HDAC9: variants seen among roughly 807,000 people sequenced by gnomAD.
The protein encoded by HDAC9 is histone deacetylase 9.
Under a neutral mutation model 139.4 loss-of-function variants are expected in HDAC9, and 41 were observed. The ratio of observed to expected loss-of-function variants is 0.29; its 90% CI spans 0.23 to 0.38. The LOEUF (loss-of-function observed/expected upper bound fraction) is 0.38. Ranked by LOEUF, HDAC9 falls within the 10% of genes least tolerant of loss-of-function variation. The pLI is 1.00. For synonymous variants in HDAC9, 517 were observed against 476.2 expected (o/e 1.09, Z -1.12); for missense variants, 1,147 against 1,297.0 (o/e 0.88, Z 1.78).
chr7:18,648,397 T>C (rs1788090952), intron 10 of HDAC9, 69 bp from the exon 11 acceptor site: 2 of 1,149,816 alleles, frequency 1.7e-6, no homozygotes, highest in Non-Finnish European at 2.5e-6. Flanking sequence ...TTCTTAAAAT[T>C]GTGTGTGTGT....
At chr7:18,331,332 A>G (rs1800904950) in intron 1 of HDAC9, among the ~76,000 whole-genome samples, 1 of 151,802 alleles carries the variant, frequency 6.6e-6, no homozygotes, top group East Asian at 1.9e-4. Context: ...CTGATATGGC[A>G]TAATGAAAAA....
chr7:18,388,592 G>A (rs181119398), intron 1 of HDAC9, among the ~76,000 whole-genome samples: 8 of 152,180 alleles, frequency 5.3e-5, no homozygotes, highest in East Asian at 1.9e-4. Context: ...AGTCAGTTCC[G>A]TGACCAGGAA....
At chr7:18,256,712 T>G (rs1215159299) in intron 2 of HDAC9, among the ~76,000 whole-genome samples, 1 of 152,212 alleles carries the variant, frequency 6.6e-6, no homozygotes, top group African/African-American at 2.4e-5. Flanking sequence ...ATTTTCTGTT[T>G]CTTAAAAGTT....
chr7:18,140,100 A>C (rs928892743), intron 1 of HDAC9, among the ~76,000 whole-genome samples: 13 of 152,192 alleles, frequency 8.5e-5, no homozygotes, highest in African/African-American at 2.9e-4. Context: ...GATGAAAGCC[A>C]TGGCTAGATG....
At chr7:18,557,774 A>G (rs1819325289) in intron 2 of HDAC9, among the ~76,000 whole-genome samples, 1 of 150,338 alleles carries the variant, frequency 6.7e-6, no homozygotes, top group South Asian at 2.1e-4. Flanking sequence ...AACAAAAATG[A>G]AATATTATTT....
chr7:18,183,078 C>T (rs1276880156), intron 2 of HDAC9, among the ~76,000 whole-genome samples: 6 of 151,182 alleles, frequency 4.0e-5, no homozygotes, highest in Non-Finnish European at 8.8e-5. Context: ...GGCGCAATCT[C>T]GGCTCACTGC....
chr7:18,883,662 A>G (rs1167153243), intron 22 of HDAC9, among the ~76,000 whole-genome samples: 1 of 152,116 alleles, frequency 6.6e-6, no homozygotes, highest in African/African-American at 2.4e-5. Flanking sequence ...ACTTCTATTC[A>G]GCATACTAAC....
intron 12 of HDAC9, chr7:18,667,810 C>A (rs1795248627): frequency 1.0e-6 from 1 of 984,666 alleles, no homozygotes; most frequent in South Asian, 4.7e-5. Flanking sequence ...GTTACGGAAG[C>A]TTTTCACTGG....
intron 2 of HDAC9, among the ~76,000 whole-genome samples, chr7:18,276,117 C>G (rs1430906294): frequency 6.6e-6 from 1 of 152,124 alleles, no homozygotes. Context: ...TGCCATGGTT[C>G]AGTGGTAGAT....
chr7:18,749,630 T>G (rs541389455), intron 14 of HDAC9, among the ~76,000 whole-genome samples: 1 of 152,334 alleles, frequency 6.6e-6, no homozygotes, highest in African/African-American at 2.4e-5. Context: ...TTTGAATACT[T>G]TGATTTTATC....
chr7:18,209,651 G>T (rs141571260), intron 2 of HDAC9, among the ~76,000 whole-genome samples: 87 of 152,120 alleles, frequency 5.7e-4, no homozygotes, highest in African/African-American at 2.0e-3. Context: ...AATCAGAGTG[G>T]TTGGAGCTTA....
intron 6 of HDAC9, among the ~76,000 whole-genome samples, chr7:18,597,031 A>G (rs77450216): frequency 0.03 from 4,542 of 152,186 alleles, 91 homozygotes; most frequent in Non-Finnish European, 0.046. Flanking sequence ...GGAACAGTTA[A>G]CTACAGAAAC....
chr7:18,351,202 A>G (rs1782821029), intron 1 of HDAC9, among the ~76,000 whole-genome samples: 1 of 152,216 alleles, frequency 6.6e-6, no homozygotes, highest in Non-Finnish European at 1.5e-5. Context: ...ATAAAATGTA[A>G]TACTGACTTT....
At chr7:18,519,889 A>C (rs1804475774) in intron 2 of HDAC9, among the ~76,000 whole-genome samples, 1 of 152,152 alleles carries the variant, frequency 6.6e-6, no homozygotes, top group Non-Finnish European at 1.5e-5. Flanking sequence ...ACAAGTCATT[A>C]AAGTTATTAA....
At chr7:18,891,667 T>G (rs1037117530) in intron 22 of HDAC9, among the ~76,000 whole-genome samples, 23 of 152,242 alleles carry the variant, frequency 1.5e-4, no homozygotes, top group African/African-American at 4.6e-4. Flanking sequence ...TGAGGTGGTG[T>G]TCAGATATTT....
At chr7:18,717,234 T>C (rs1784767316) in intron 12 of HDAC9, among the ~76,000 whole-genome samples, 1 of 152,090 alleles carries the variant, frequency 6.6e-6, no homozygotes, top group Non-Finnish European at 1.5e-5. Context: ...CTGTTGCTGG[T>C]GAGCATACAC....
intron 1 of HDAC9, among the ~76,000 whole-genome samples, chr7:18,420,024 A>T (rs1223645132): frequency 1.3e-5 from 2 of 152,184 alleles, no homozygotes; most frequent in Admixed American, 1.3e-4. Flanking sequence ...TAAAAACAAA[A>T]AGCTCTGCTA....
intron 7 of HDAC9, among the ~76,000 whole-genome samples, chr7:18,630,072 GTT>G (rs774801818): frequency 1.6e-4 from 24 of 151,984 alleles, no homozygotes; most frequent in Non-Finnish European, 1.3e-4. Flanking sequence ...TTAGCTGCCT[GTT>G]TTAGTAGAGG....
intron 17 of HDAC9, among the ~76,000 whole-genome samples, chr7:18,801,715 A>C (rs1399190536): frequency 1.3e-5 from 2 of 152,066 alleles, no homozygotes; most frequent in Non-Finnish European, 2.9e-5. Context: ...CTTGTTATTT[A>C]GGAAGATTTG....
Sources: allele counts gnomAD v4.1 joint callset (sites outside exome capture counted in the v4.1 genomes callset), GRCh38; gene constraint gnomAD v4.1.1; transcripts MANE v1.5; gene names NCBI Gene and HGNC (gene_info 2026-07-23, HGNC 2026-07-21).